PCED1B: variants seen among roughly 807,000 people sequenced by gnomAD.
PCED1B encodes PC-esterase domain containing 1B, also known as PC-esterase domain-containing protein 1B.
For missense variants in PCED1B, 573 were observed against 573.9 expected (o/e 1.00, Z 0.02); for synonymous variants, 251 against 246.1 (o/e 1.02, Z -0.19).
chr12:47,090,600 T>C (rs1248552043), intron 1 of PCED1B, among the ~76,000 whole-genome samples: 1 of 152,174 alleles, frequency 6.6e-6, no homozygotes, highest in East Asian at 1.9e-4. Context: ...ATTCCCTCTG[T>C]TCCCTTCTAG....
chr12:47,150,376 C>T (rs1159250697), intron 2 of PCED1B, among the ~76,000 whole-genome samples: 1 of 151,846 alleles, frequency 6.6e-6, no homozygotes, highest in Non-Finnish European at 1.5e-5. Context: ...GAGTTCGAGA[C>T]CAACCTGGCC....
Position 47,235,138 on chromosome 12 carries a change from G to C in PCED1B, c.75G>C (p.Val25=). 1.3e-6 allele frequency: 2 copies of C among 1,564,746 alleles called. No homozygotes were observed. Among genetic ancestry groups the C allele is most frequent in the Middle Eastern group, 3.5e-4 (2 of 5,784 alleles). Residue 25 remains valine, a synonymous_variant, in exon 4 of 4, where the codon GTG becomes GTC. Transcript: ENST00000546455. ...TCGTGGTCATCCTGGGGGACTCTGT[G>C]CATAGGGCAGTATACAAGGACCTGG... The part of the protein sequence containing the change: ...NKFVVILGDS[V]HRAVYKDLVL...
intron 2 of PCED1B, among the ~76,000 whole-genome samples, chr12:47,177,806 T>G (rs937634167): frequency 6.6e-6 from 1 of 151,888 alleles, no homozygotes; most frequent in African/African-American, 2.4e-5. Flanking sequence ...ATACAAAAAT[T>G]AACCCGGTAT....
intron 2 of PCED1B, among the ~76,000 whole-genome samples, chr12:47,195,225 A>C (rs892052033): frequency 1.7e-4 from 26 of 152,016 alleles, no homozygotes; most frequent in Non-Finnish European, 3.8e-4. Flanking sequence ...GCTACTCGGG[A>C]AGCTGAGACA....
chr12:47,209,544 T>A (rs1943015438), intron 2 of PCED1B: 1 of 152,214 alleles, frequency 6.6e-6, no homozygotes, highest in Admixed American at 6.5e-5. Context: ...TAAAGTAGAC[T>A]CTCAATAAAT....
chr12:47,218,762 T>A (rs1943382807), intron 3 of PCED1B, among the ~76,000 whole-genome samples: 1 of 150,538 alleles, frequency 6.6e-6, no homozygotes, highest in Non-Finnish European at 1.5e-5. Flanking sequence ...CTCCTTGGCC[T>A]CCCAAAGTGT....
At chr12:47,083,670 C>CA (rs1937848294) in intron 1 of PCED1B, among the ~76,000 whole-genome samples, 1 of 152,184 alleles carries the variant, frequency 6.6e-6, no homozygotes, top group South Asian at 2.1e-4. Flanking sequence ...TGGGAAAACT[C>CA]AGACTCCAGC....
At chr12:47,117,854 C>A (rs1358825770) in intron 2 of PCED1B, among the ~76,000 whole-genome samples, 2 of 152,202 alleles carry the variant, frequency 1.3e-5, no homozygotes, top group Non-Finnish European at 1.5e-5. Context: ...TCCTCTCCAG[C>A]ACCTGTTGTT....
intron 2 of PCED1B, among the ~76,000 whole-genome samples, chr12:47,131,279 C>T (rs1255701033): frequency 1.3e-5 from 2 of 152,170 alleles, no homozygotes; most frequent in African/African-American, 2.4e-5. Flanking sequence ...ATACTTCACC[C>T]GCCCACTCCA....
intron 3 of PCED1B, among the ~76,000 whole-genome samples, chr12:47,217,827 T>A (rs1053101770): frequency 1.3e-5 from 2 of 152,220 alleles, no homozygotes; most frequent in Non-Finnish European, 2.9e-5. Flanking sequence ...TCCGACCGTC[T>A]TGGCCTCCCA....
chr12:47,160,177 C>G (rs990324728), intron 2 of PCED1B, among the ~76,000 whole-genome samples: 1 of 152,032 alleles, frequency 6.6e-6, no homozygotes, highest in Non-Finnish European at 1.5e-5. Flanking sequence ...AGTGTGGTGC[C>G]TCCAGCATTG....
At chr12:47,125,099 A>G (rs1939833077) in intron 2 of PCED1B, among the ~76,000 whole-genome samples, 1 of 152,044 alleles carries the variant, frequency 6.6e-6, no homozygotes, top group Non-Finnish European at 1.5e-5. Flanking sequence ...ACTCAAGTTC[A>G]TAAAGGATTT....
chr12:47,084,242 A>T (rs963945771), intron 1 of PCED1B, among the ~76,000 whole-genome samples: 5 of 152,232 alleles, frequency 3.3e-5, no homozygotes, highest in South Asian at 2.1e-4. Flanking sequence ...TATTATATTT[A>T]AAAAAGTGTT....
chr12:47,145,946 A>G (rs1222841514), intron 2 of PCED1B, among the ~76,000 whole-genome samples: 2 of 152,226 alleles, frequency 1.3e-5, no homozygotes, highest in East Asian at 3.8e-4. Flanking sequence ...TACAGCTGCT[A>G]TAGACAGTGA....
chr12:47,235,764 G>A lies in PCED1B; in HGVS notation c.701G>A (p.Gly234Glu), dbSNP rs1164025010. The A allele has an allele frequency of 6.3e-7, 1 of 1,594,558 alleles. No homozygotes were observed. Among genetic ancestry groups the A allele is most frequent in the African/African-American group, 1.3e-5 (1 of 74,564 alleles). The change falls in exon 4 of 4, where the codon GGA becomes GAA. Residue 234 changes from glycine (G) to glutamate (E), a missense_variant. Physicochemically the swap from Gly to Glu is moderately conservative, Grantham distance 98 (BLOSUM62 -2). Coordinates refer to ENST00000546455, the MANE Select transcript of PCED1B (RefSeq NM_138371.3). The part of the protein sequence containing the change: ...NLHWDGVHWN[G>E]RVHRCLSQLL... Reference sequence around the variant, plus strand: ...CACTGGGACGGGGTGCACTGGAATGGACGTGTGCACCGCTGCCTCTCCCAG... The same window carrying A: ...CACTGGGACGGGGTGCACTGGAATGAACGTGTGCACCGCTGCCTCTCCCAG...
At chr12:47,186,790 T>C (rs1942283025) in intron 2 of PCED1B, among the ~76,000 whole-genome samples, 1 of 152,186 alleles carries the variant, frequency 6.6e-6, no homozygotes, top group South Asian at 2.1e-4. Context: ...TCTACCCAGT[T>C]TGTGATACTT....
At chr12:47,132,073 C>G (rs1371532446) in intron 2 of PCED1B, among the ~76,000 whole-genome samples, 1 of 152,122 alleles carries the variant, frequency 6.6e-6, no homozygotes, top group Non-Finnish European at 1.5e-5. Context: ...AAGTCATTAG[C>G]ATCGAGTGGA....
intron 1 of PCED1B, among the ~76,000 whole-genome samples, chr12:47,080,839 T>A (rs1937666178): frequency 6.6e-6 from 1 of 152,180 alleles, no homozygotes; most frequent in Non-Finnish European, 1.5e-5. Context: ...TTTCGTTCTC[T>A]CTCTCTCATT....
chr12:47,137,565 C>T (rs1940425696), intron 2 of PCED1B, among the ~76,000 whole-genome samples: 2 of 151,770 alleles, frequency 1.3e-5, no homozygotes, highest in South Asian at 4.2e-4. Context: ...CCCATCTCTA[C>T]GACAAACACA....
Sources: allele counts gnomAD v4.1 joint callset (sites outside exome capture counted in the v4.1 genomes callset), GRCh38; gene constraint gnomAD v4.1.1; transcripts MANE v1.5; gene names NCBI Gene and HGNC (gene_info 2026-07-23, HGNC 2026-07-21).